Variants in LHFPL3 observed in about 807,000 individuals in gnomAD.
LHFPL3 encodes the protein LHFPL tetraspan subfamily member 3 protein.
Under a neutral mutation model 19.3 loss-of-function variants are expected in LHFPL3, and 5 were observed. The ratio of observed to expected loss-of-function variants is 0.26; its 90% CI spans 0.14 to 0.54. The LOEUF (loss-of-function observed/expected upper bound fraction) is 0.54, where lower values mean the gene tolerates loss of function less well. Among genes scored for constraint, LHFPL3 ranks in the 20% least tolerant of loss-of-function variants. The probability of loss-of-function intolerance (pLI) is 0.94; values close to 1 mark genes in which losing one functional copy is unlikely to be tolerated. For synonymous variants in LHFPL3, 133 were observed against 126.2 expected (o/e 1.05, Z -0.36); for missense variants, 249 against 307.4 (o/e 0.81, Z 1.42).
rs141841487 is a variant in LHFPL3 at position 104,387,333 on chromosome 7, A to T, written c.445+58109A>T. Among the ~76,000 whole-genome samples, 1,299 of 152,232 alleles carry T rather than the reference A, an allele frequency of 8.5e-3. 19 individuals carry two copies. Among genetic ancestry groups the T allele is most frequent in the African/African-American group, 0.03 (1,235 of 41,528 alleles). Reference sequence around the variant, plus strand: ...CAGTAAGCCAAGATCATGCCATTGCACTCCAGCCTGGGCAACAAGAATGAA... The same window carrying T: ...CAGTAAGCCAAGATCATGCCATTGCTCTCCAGCCTGGGCAACAAGAATGAA... On this transcript the variant is annotated intron_variant, in intron 1 of 2. Transcript: ENST00000424859.
Position 104,903,291 on chromosome 7 carries a change from G to A in LHFPL3, c.683-2896G>A, listed in dbSNP as rs543678352. Among the ~76,000 whole-genome samples, 6 of 152,180 alleles carry A rather than the reference G, an allele frequency of 3.9e-5. No individual in the cohort carries two copies. In the South Asian group the frequency reaches 1.0e-3, roughly 26 times the overall value. ...GAGAAACAGGGAGTCTCTGGTTCAT[G>A]GATGCCAACAAATGATTCACACCAA... On this transcript the variant is annotated intron_variant, in intron 2 of 2. Coordinates refer to ENST00000424859, the MANE Select transcript of LHFPL3 (RefSeq NM_199000.3).
chr7:104,812,492 A>C (rs1422482256), intron 2 of LHFPL3, among the ~76,000 whole-genome samples: 1 of 152,040 alleles, frequency 6.6e-6, no homozygotes, highest in Non-Finnish European at 1.5e-5. Context: ...CCCCATGTCT[A>C]CAAAAAAAAA....
intron 1 of LHFPL3, among the ~76,000 whole-genome samples, chr7:104,384,151 G>A (rs1405408861): frequency 1.3e-5 from 2 of 152,136 alleles, no homozygotes; most frequent in Non-Finnish European, 2.9e-5. Flanking sequence ...CCAACTACTG[G>A]GGGTGCTGAG....
At chr7:104,526,782 A>C (rs980669377) in intron 1 of LHFPL3, among the ~76,000 whole-genome samples, 5 of 152,214 alleles carry the variant, frequency 3.3e-5, no homozygotes, top group African/African-American at 1.2e-4. Context: ...AATTCTTATC[A>C]ACAGGGACAG....
intron 1 of LHFPL3, among the ~76,000 whole-genome samples, chr7:104,507,010 G>GT (rs1022878250): frequency 6.6e-6 from 1 of 152,032 alleles, no homozygotes; most frequent in Non-Finnish European, 1.5e-5. Flanking sequence ...TATTAAGAAA[G>GT]TTTTTTTTAG....
chr7:104,496,922 C>T (rs531574022), intron 1 of LHFPL3, among the ~76,000 whole-genome samples: 6 of 152,174 alleles, frequency 3.9e-5, no homozygotes, highest in Non-Finnish European at 7.4e-5. Context: ...CTCTCCAGTA[C>T]CCCAAAGTAT....
At chr7:104,829,792 C>G (rs558411110) in intron 2 of LHFPL3, among the ~76,000 whole-genome samples, 2,005 of 151,992 alleles carry the variant, frequency 0.013, 73 homozygotes, top group African/African-American at 0.045. Flanking sequence ...GATAAACATA[C>G]GTGTGCGTGT....
intron 1 of LHFPL3, among the ~76,000 whole-genome samples, chr7:104,375,651 G>A (rs971001007): frequency 2.0e-5 from 3 of 152,098 alleles, no homozygotes; most frequent in East Asian, 1.9e-4. Context: ...TGAAATGTTC[G>A]TAACATTTAG....
intron 1 of LHFPL3, among the ~76,000 whole-genome samples, chr7:104,583,992 T>C (rs1254787577): frequency 6.6e-6 from 1 of 152,112 alleles, no homozygotes; most frequent in Admixed American, 6.6e-5. Context: ...CATGCTGCTA[T>C]AAAGACACAT....
At chr7:104,855,334 C>A (rs766500296) in intron 2 of LHFPL3, among the ~76,000 whole-genome samples, 17 of 152,206 alleles carry the variant, frequency 1.1e-4, no homozygotes, top group African/African-American at 3.9e-4. Flanking sequence ...ATGGGCCTAC[C>A]TACCATTTAT....
At chr7:104,600,408 A>G (rs181671768) in intron 1 of LHFPL3, among the ~76,000 whole-genome samples, 151 of 152,298 alleles carry the variant, frequency 9.9e-4, no homozygotes, top group African/African-American at 3.4e-3. Context: ...GCTAATCTCT[A>G]TGTCTGAAAG....
At chr7:104,482,382 T>C (rs1793154563) in intron 1 of LHFPL3, among the ~76,000 whole-genome samples, 1 of 152,192 alleles carries the variant, frequency 6.6e-6, no homozygotes, top group African/African-American at 2.4e-5. Flanking sequence ...GGGTCAGACT[T>C]TTCCTTATTA....
chr7:104,702,329 C>A (rs1253721001), intron 1 of LHFPL3, among the ~76,000 whole-genome samples: 1 of 152,174 alleles, frequency 6.6e-6, no homozygotes, highest in Non-Finnish European at 1.5e-5. Context: ...CTCTTCTCTG[C>A]ATTATTTTGG....
At chr7:104,838,495 GTATTGTT>G (rs1791139965) in intron 2 of LHFPL3, among the ~76,000 whole-genome samples, 1 of 152,162 alleles carries the variant, frequency 6.6e-6, no homozygotes, top group Non-Finnish European at 1.5e-5. Context: ...AATTCCAACT[GTATTGTT>G]TATTAATTAT....
chr7:104,411,504 A>G (rs1300420794), intron 1 of LHFPL3, among the ~76,000 whole-genome samples: 1 of 152,212 alleles, frequency 6.6e-6, no homozygotes, highest in Admixed American at 6.5e-5. Flanking sequence ...ACATACAGGT[A>G]ACATTCCTTT....
chr7:104,568,692 C>T (rs1562937590), intron 1 of LHFPL3, among the ~76,000 whole-genome samples: 1 of 152,312 alleles, frequency 6.6e-6, no homozygotes, highest in Non-Finnish European at 1.5e-5. Flanking sequence ...TACTGCCCAT[C>T]TGTCAGCTCT....
chr7:104,755,892 T>C (rs200316043), intron 2 of LHFPL3, among the ~76,000 whole-genome samples: 1 of 152,096 alleles, frequency 6.6e-6, no homozygotes, highest in Non-Finnish European at 1.5e-5. Context: ...ACAGGGTTTC[T>C]CCATGTTGGT....
rs190961836 is a variant in LHFPL3, at chr7:104,418,920, C to T, written c.445+89696C>T. ...GCACTGCACATGTGTTATCTAAATG[C>T]GAAGAGCAATCCTATGAGACAAGTA... On this transcript the variant is annotated intron_variant, in intron 1 of 2. Transcript: ENST00000424859. Among the ~76,000 whole-genome samples, 171 of 152,278 alleles carry T rather than the reference C, an allele frequency of 1.1e-3. 1 individual carries two copies. Among genetic ancestry groups the T allele is most frequent in the African/African-American group, 3.8e-3 (157 of 41,562 alleles).
At chr7:104,449,216 A>G (rs566502294) in intron 1 of LHFPL3, among the ~76,000 whole-genome samples, 1 of 152,332 alleles carries the variant, frequency 6.6e-6, no homozygotes, top group Non-Finnish European at 1.5e-5. Flanking sequence ...TAACAAAGCA[A>G]TCCATTAGGA....
Sources: allele counts gnomAD v4.1 joint callset (sites outside exome capture counted in the v4.1 genomes callset), GRCh38; gene constraint gnomAD v4.1.1; transcripts MANE v1.5; gene names NCBI Gene and HGNC (gene_info 2026-07-23, HGNC 2026-07-21).